IFRD1: variants seen among roughly 807,000 people sequenced by gnomAD.
IFRD1 encodes the protein interferon related developmental regulator 1.
A neutral mutation model predicts 52.9 loss-of-function variants in IFRD1; 35 were observed. The ratio of observed to expected loss-of-function variants is 0.66; its 90% CI spans 0.51 to 0.88. The LOEUF is 0.88. Ranked by LOEUF, IFRD1 falls within the 40% of genes least tolerant of loss-of-function variation. The pLI is 0.00. For synonymous variants in IFRD1, 184 were observed against 188.4 expected (o/e 0.98, Z 0.19); for missense variants, 517 against 550.8 (o/e 0.94, Z 0.61).
At chr7:112,442,507 G>C (rs989786051) in intron 1 of IFRD1, among the ~76,000 whole-genome samples, 2 of 152,214 alleles carry the variant, frequency 1.3e-5, no homozygotes, top group African/African-American at 2.4e-5. Context: ...ACTGCTGCTA[G>C]GTGACTTGCT....
At chr7:112,431,717 T>G (rs1794551344) in intron 1 of IFRD1, among the ~76,000 whole-genome samples, 1 of 152,146 alleles carries the variant, frequency 6.6e-6, no homozygotes, top group South Asian at 2.1e-4. Context: ...CCTAAATGAG[T>G]GGAAGCAGAA....
chr7:112,443,912 CAAAAACAAAAACAA>C (rs1794958959), intron 1 of IFRD1, among the ~76,000 whole-genome samples: 2 of 142,694 alleles, frequency 1.4e-5, no homozygotes, highest in Non-Finnish European at 3.1e-5. Flanking sequence ...ACCAAAAAAA[CAAAAACAAAAACAA>C]AAAAACAAAA....
chr7:112,462,174 T>A lies in IFRD1; in HGVS notation c.792T>A (p.Leu264=). 1 of 1,613,222 alleles carries A rather than the reference T, an allele frequency of 6.2e-7. No individual in the cohort carries two copies. The highest frequency in any genetic ancestry group is 8.5e-7 in the Non-Finnish European group (1 of 1,179,388). Residue 264 remains leucine (L), a synonymous_variant, in exon 7 of 12, where the codon CTT becomes CTA. Transcript: ENST00000403825. ...CAATCAATGAAGTGAAGAAAAAGCT[T>A]GAGATGTATGTATTTTTAGTTTCAT... ...ICPINEVKKK[L]EMHFHKLPSL...
intron 9 of IFRD1, among the ~76,000 whole-genome samples, chr7:112,469,983 G>A (rs1414407518): frequency 6.6e-6 from 1 of 150,582 alleles, no homozygotes; most frequent in Non-Finnish European, 1.5e-5. Flanking sequence ...GCTTTTTCTG[G>A]AGCACCCAGC....
chr7:112,449,731 A>G (rs138863818), upstream of IFRD1, among the ~76,000 whole-genome samples: 58 of 151,774 alleles, frequency 3.8e-4, 1 homozygote, highest in East Asian at 0.011. Flanking sequence ...ATTCTTGTAT[A>G]GAAACCCACA....
intron 1 of IFRD1, among the ~76,000 whole-genome samples, chr7:112,442,735 A>G (rs552971208): frequency 6.6e-6 from 1 of 152,310 alleles, no homozygotes; most frequent in South Asian, 2.1e-4. Context: ...ATGAGGACAA[A>G]CACTGTTTTC....
intron 8 of IFRD1, among the ~76,000 whole-genome samples, chr7:112,466,621 A>G (rs1018139960): frequency 2.6e-5 from 4 of 152,206 alleles, no homozygotes; most frequent in African/African-American, 9.6e-5. Flanking sequence ...CCCAGTTGAT[A>G]ATCACTGGCA....
chr7:112,466,253 T>C, intron 8 of IFRD1, among the ~76,000 whole-genome samples: 1 of 152,194 alleles, frequency 6.6e-6, no homozygotes, highest in East Asian at 1.9e-4. Flanking sequence ...TCCTTCCTTT[T>C]TTTGTGTTTT....
chr7:112,454,795 G>T (rs1250093250), intron 1 of IFRD1, among the ~76,000 whole-genome samples: 1 of 139,358 alleles, frequency 7.2e-6, no homozygotes, highest in Admixed American at 7.2e-5. Flanking sequence ...TTCTGGATCT[G>T]TTTTCATTGT....
At chr7:112,431,205 G>C (rs1347801261) in intron 1 of IFRD1, among the ~76,000 whole-genome samples, 1 of 152,150 alleles carries the variant, frequency 6.6e-6, no homozygotes, top group Non-Finnish European at 1.5e-5. Context: ...TTTCTGTCTT[G>C]CTCTTTTGGC....
At chr7:112,464,194 T>C (rs1795550681) in intron 8 of IFRD1, among the ~76,000 whole-genome samples, 1 of 152,074 alleles carries the variant, frequency 6.6e-6, no homozygotes, top group African/African-American at 2.4e-5. Context: ...TATTCAAGGC[T>C]TTTTGCTAAC....
At chr7:112,445,159 C>T (rs963832885) in intron 1 of IFRD1, among the ~76,000 whole-genome samples, 5 of 150,260 alleles carry the variant, frequency 3.3e-5, no homozygotes, top group East Asian at 3.9e-4. Context: ...CTCCGCTTCC[C>T]GAGTTCATGC....
intron 1 of IFRD1, among the ~76,000 whole-genome samples, chr7:112,455,475 T>A (rs964417352): frequency 7.3e-5 from 11 of 150,756 alleles, no homozygotes; most frequent in Admixed American, 4.7e-4. Context: ...ACAGGGAGGC[T>A]CTGTCTCAAA....
At chr7:112,460,359 C>T (rs946998860) in intron 5 of IFRD1, among the ~76,000 whole-genome samples, 1 of 150,872 alleles carries the variant, frequency 6.6e-6, no homozygotes, top group African/African-American at 2.4e-5. Context: ...ATCCTCCTGC[C>T]TCAGCCTCCT....
chr7:112,450,086 A>C (rs1389660394), upstream of IFRD1: 1 of 155,012 alleles, frequency 6.5e-6, no homozygotes, highest in Non-Finnish European at 1.4e-5. Flanking sequence ...GTCATAGGGC[A>C]TACTCGCCCC....
chr7:112,454,015 T>C (rs1351892920), intron 1 of IFRD1, among the ~76,000 whole-genome samples: 3 of 152,198 alleles, frequency 2.0e-5, no homozygotes, highest in African/African-American at 7.2e-5. Context: ...TCACGGTCAC[T>C]TTTGGGGCAG....
At chr7:112,441,679 A>C (rs1364527822) in intron 1 of IFRD1, among the ~76,000 whole-genome samples, 2 of 152,200 alleles carry the variant, frequency 1.3e-5, no homozygotes, top group African/African-American at 4.8e-5. Flanking sequence ...CTCAGAAGAC[A>C]GTCCAGAATC....
intron 8 of IFRD1, among the ~76,000 whole-genome samples, chr7:112,463,132 T>C (rs1348238489): frequency 6.6e-6 from 1 of 152,188 alleles, no homozygotes; most frequent in East Asian, 1.9e-4. Context: ...TTAAGATATG[T>C]GATTCAGATA....
chr7:112,463,893 CA>C (rs370794054), intron 8 of IFRD1, among the ~76,000 whole-genome samples: 384 of 9,894 alleles, frequency 0.039, 5 homozygotes, highest in African/African-American at 0.23. Flanking sequence ...CACACACACA[CA>C]CCCCACGTAT....
Sources: allele counts gnomAD v4.1 joint callset (sites outside exome capture counted in the v4.1 genomes callset), GRCh38; gene constraint gnomAD v4.1.1; transcripts MANE v1.5; gene names NCBI Gene and HGNC (gene_info 2026-07-23, HGNC 2026-07-21).